COL13A1: variants seen among roughly 807,000 people sequenced by gnomAD.
The protein encoded by COL13A1 is collagen alpha-1(XIII) chain.
In COL13A1, 89 loss-of-function variants were observed where a neutral mutation model predicts 130.9. The ratio of observed to expected loss-of-function variants is 0.68; its 90% CI spans 0.57 to 0.81. COL13A1 has a LOEUF of 0.81. Among genes scored for constraint, COL13A1 ranks in the 30% least tolerant of loss-of-function variants. The probability of loss-of-function intolerance (pLI) is 0.00; values close to 1 mark genes in which losing one functional copy is unlikely to be tolerated. For missense variants in COL13A1, 879 were observed against 934.6 expected, an observed-to-expected ratio of 0.94 and a Z score of 0.78; for synonymous variants, 402 against 341.6, an observed-to-expected ratio of 1.18 and a Z score of -1.95.
chr10:69,880,540 C>A lies in COL13A1; in HGVS notation c.500C>A (p.Pro167His). 1 of 1,613,414 alleles carries A rather than the reference C, an allele frequency of 6.2e-7. No individual in the cohort carries two copies. The highest frequency in any genetic ancestry group is 8.5e-7 in the Non-Finnish European group (1 of 1,179,738). The change falls in exon 7 of 41, where the codon CCC becomes CAC. Residue 167 changes from proline (P) to histidine (H), a missense_variant. Physicochemically the swap from Pro to His is moderately conservative, Grantham distance 77. Around this residue, in one of 3 missense-constraint regions of COL13A1, gnomAD observed 715 missense variants for 721.0 expected, o/e 0.99. Coordinates refer to ENST00000645393, the MANE Select transcript of COL13A1 (RefSeq NM_001368882.1). ...GACGCTGGGCTGTCCATCATTGGTC[C>A]CCGCGGCCCCCCTGTAAGTTGTTTT... Reference protein sequence around the residue: ...PGDAGLSIIGPRGPPGQPGTR... With the variant: ...PGDAGLSIIGHRGPPGQPGTR...
intron 14 of COL13A1, 133 bp from the exon 15 acceptor site, chr10:69,902,615 G>A (rs528791313): frequency 3.4e-5 from 22 of 637,950 alleles, no homozygotes; most frequent in African/African-American, 1.5e-4. Context: ...TCATGCCACC[G>A]CTTCCTCCCC....
rs749495179 is a variant in COL13A1, at chr10:69,880,485, C to G, written c.463-18C>G. 4.6e-6 allele frequency: 7 copies of G among 1,527,400 alleles called. No individual in the cohort carries two copies. The highest frequency in any genetic ancestry group is 5.4e-6 in the Non-Finnish European group (6 of 1,101,386). The allele number at this position is 1,527,400 out of a possible 1,614,324, so 94.6% of individuals were successfully genotyped here. ...TCCCTGCCCCTCGCTCCCTCTCCCC[C>G]TTCCTCTCTCCCCGCAGGGGTCCCC... On this transcript the variant is annotated intron_variant, in intron 6 of 40. Coordinates refer to ENST00000645393, the MANE Select transcript of COL13A1 (RefSeq NM_001368882.1).
At chr10:69,884,800 A>G (rs1233389311) in intron 7 of COL13A1, among the ~76,000 whole-genome samples, 3 of 152,194 alleles carry the variant, frequency 2.0e-5, no homozygotes, top group Non-Finnish European at 4.4e-5. Flanking sequence ...TAGATATCAA[A>G]ATGTATTACA....
intron 17 of COL13A1, among the ~76,000 whole-genome samples, chr10:69,912,459 A>C (rs1385571797): frequency 6.6e-6 from 1 of 152,122 alleles, no homozygotes; most frequent in African/African-American, 2.4e-5. Flanking sequence ...CTTTATAGGG[A>C]GAAAACCGTT....
At chr10:69,803,508 A>C (rs1209240264) in intron 1 of COL13A1, among the ~76,000 whole-genome samples, 1 of 151,892 alleles carries the variant, frequency 6.6e-6, no homozygotes, top group Non-Finnish European at 1.5e-5. Flanking sequence ...GGGCCTTGAC[A>C]GGGTGAGGCT....
chr10:69,814,292 C>T (rs983870561), intron 1 of COL13A1, among the ~76,000 whole-genome samples: 5 of 152,198 alleles, frequency 3.3e-5, no homozygotes, highest in African/African-American at 7.2e-5. Context: ...CTCACCCTCC[C>T]TTTCCAGAAG....
chr10:69,921,799 G>A (rs1565069111), intron 21 of COL13A1, 83 bp from the exon 22 acceptor site: 1 of 1,529,240 alleles, frequency 6.5e-7, no homozygotes, highest in Non-Finnish European at 8.9e-7. Context: ...GGAAGGCAAG[G>A]CCCTAAGCTG....
intron 2 of COL13A1, chr10:69,829,315 G>C: frequency 1.1e-6 from 1 of 950,786 alleles, no homozygotes; most frequent in Non-Finnish European, 1.3e-6. Context: ...TATAACTCCA[G>C]ATAACCAAAG....
intron 2 of COL13A1, among the ~76,000 whole-genome samples, chr10:69,867,119 T>A (rs1189705767): frequency 6.6e-6 from 1 of 152,278 alleles, no homozygotes; most frequent in East Asian, 1.9e-4. Context: ...ATAGGGCTGC[T>A]GCTGCGGCCG....
rs959723638 is a variant in COL13A1, at chr10:69,856,452, C to G, written c.365-11346C>G. ...TGACACCTAATCTCCCTCAACTCTT[C>G]TTAGAGTAGTGATTAAAGAATTAAG... On this transcript the variant is annotated intron_variant, in intron 2 of 40. Transcript: ENST00000645393. 1.6e-4 allele frequency among the ~76,000 whole-genome samples: 24 copies of G among 152,202 alleles called. No homozygotes were observed. In the East Asian group the frequency reaches 4.1e-3, roughly 26 times the overall value.
intron 2 of COL13A1, among the ~76,000 whole-genome samples, chr10:69,858,759 ACCATCTCCCC>A (rs528823967): frequency 1.9e-4 from 29 of 152,192 alleles, no homozygotes; most frequent in Non-Finnish European, 4.3e-4. Context: ...CAGCAGTCTA[ACCATCTCCCC>A]CCACCACTAA....
chr10:69,824,651 GAAGA>G (rs1487392139), intron 2 of COL13A1, among the ~76,000 whole-genome samples: 1 of 152,194 alleles, frequency 6.6e-6, no homozygotes, highest in Non-Finnish European at 1.5e-5. Context: ...ACCATGGGGA[GAAGA>G]AAGGGCTTGA....
chr10:69,944,041 T>C (rs2068065203), intron 35 of COL13A1, 84 bp from the exon 36 acceptor site: 8 of 1,151,538 alleles, frequency 6.9e-6, no homozygotes, highest in Non-Finnish European at 1.0e-5. Context: ...CCTTGGACCT[T>C]GCTCATCTCT....
chr10:69,922,881 C>G, intron 23 of COL13A1, 87 bp downstream of exon 23: 1 of 855,696 alleles, frequency 1.2e-6, no homozygotes, highest in Non-Finnish European at 1.7e-6. Flanking sequence ...ACGTCCCGGA[C>G]ATCCCGCCTT....
intron 8 of COL13A1, among the ~76,000 whole-genome samples, chr10:69,887,967 T>A (rs2060765482): frequency 1.3e-5 from 2 of 152,220 alleles, no homozygotes; most frequent in Non-Finnish European, 2.9e-5. Flanking sequence ...TCTCCCAACC[T>A]CAATGCAGGC....
At chr10:69,884,978 GTAAAAGGTAAAA>G (rs1298883014) in intron 7 of COL13A1, among the ~76,000 whole-genome samples, 1 of 152,202 alleles carries the variant, frequency 6.6e-6, no homozygotes. Context: ...AAGCCAGTTA[GTAAAAGGTAAAA>G]TGAAAGACAG....
chr10:69,909,289 C>T (rs771508932), intron 17 of COL13A1, among the ~76,000 whole-genome samples: 73 of 152,330 alleles, frequency 4.8e-4, no homozygotes, highest in Non-Finnish European at 9.6e-4. Flanking sequence ...ACTCTTGCCT[C>T]CCAACCCTTC....
intron 2 of COL13A1, among the ~76,000 whole-genome samples, chr10:69,853,536 C>G (rs931836091): frequency 6.6e-6 from 1 of 152,008 alleles, no homozygotes; most frequent in Non-Finnish European, 1.5e-5. Context: ...GTATAAAGAA[C>G]CATAACGATG....
chr10:69,817,468 C>T (rs1333385702), intron 1 of COL13A1, among the ~76,000 whole-genome samples: 3 of 151,784 alleles, frequency 2.0e-5, no homozygotes. Flanking sequence ...TGAAAACTCC[C>T]AGGACAGTGC....
Sources: gnomAD v4.1 joint callset for allele counts (sites outside exome capture counted in the v4.1 genomes callset) on GRCh38, gnomAD v4.1.1 for gene constraint, gnomAD v4.1.1 regional missense constraint, MANE v1.5 for transcripts, NCBI Gene and HGNC (gene_info 2026-07-23, HGNC 2026-07-21) for gene names.